Variants in FILIP1L observed in about 807,000 individuals in gnomAD.
FILIP1L encodes filamin A interacting protein 1 like.
A neutral mutation model predicts 96.6 loss-of-function variants in FILIP1L; 55 were observed. The ratio of observed to expected loss-of-function variants is 0.57; its 90% CI spans 0.46 to 0.71. The LOEUF is 0.71. Ranked by LOEUF, FILIP1L falls within the 30% of genes least tolerant of loss-of-function variation. FILIP1L has a pLI of 0.00. For synonymous variants in FILIP1L, 467 were observed against 473.9 expected, an observed-to-expected ratio of 0.99 and a Z score of 0.19; for missense variants, 1,304 against 1,321.2, an observed-to-expected ratio of 0.99 and a Z score of 0.20.
intron 1 of FILIP1L, among the ~76,000 whole-genome samples, chr3:99,969,663 C>G (rs544428822): frequency 1.3e-5 from 2 of 152,054 alleles, no homozygotes; most frequent in Admixed American, 6.6e-5. Context: ...CACGGGGAGC[C>G]TGGAAGGATC....
chr3:99,952,010 T>C (rs1181520529), intron 1 of FILIP1L, among the ~76,000 whole-genome samples: 1 of 152,174 alleles, frequency 6.6e-6, no homozygotes, highest in East Asian at 1.9e-4. Context: ...TAGTTGAAAT[T>C]TATTTTAAAA....
At chr3:100,019,563 G>A (rs2064768787) in intron 1 of FILIP1L, among the ~76,000 whole-genome samples, 3 of 151,972 alleles carry the variant, frequency 2.0e-5, no homozygotes, top group African/African-American at 7.2e-5. Context: ...ACGTAAAATT[G>A]TTCTATTTTA....
intron 5 of FILIP1L, among the ~76,000 whole-genome samples, chr3:99,839,918 G>A (rs1393229023): frequency 6.6e-6 from 1 of 152,094 alleles, no homozygotes; most frequent in South Asian, 2.1e-4. Context: ...ATATAAGAGT[G>A]GAACTCTTAT....
rs1266218950 is a variant in FILIP1L at position 99,828,981 on chromosome 3, C to T, written c.*1433G>A. ...TGCCCATCATCCCTTTCAATGCTGC[C>T]CAGGCCTCTAGCTCCTTCTCCTCCT... On this transcript the variant is annotated 3_prime_UTR_variant, in exon 6 of 6. Coordinates refer to ENST00000477258, the MANE Select transcript of FILIP1L (RefSeq NM_001387850.1). Among the ~76,000 whole-genome samples, 2 of 151,954 alleles carry T rather than the reference C, an allele frequency of 1.3e-5. No individual in the cohort carries two copies. Among genetic ancestry groups the T allele is most frequent in the African/African-American group, 4.8e-5 (2 of 41,330 alleles).
intron 1 of FILIP1L, among the ~76,000 whole-genome samples, chr3:100,052,939 C>T (rs1041693625): frequency 1.1e-4 from 17 of 151,936 alleles, no homozygotes; most frequent in Non-Finnish European, 2.4e-4. Flanking sequence ...TATAATTTCC[C>T]CTAAATAAGA....
chr3:100,048,785 T>C (rs1428529767), intron 1 of FILIP1L, among the ~76,000 whole-genome samples: 1 of 152,140 alleles, frequency 6.6e-6, no homozygotes, highest in Non-Finnish European at 1.5e-5. Context: ...AGCCCTAGGT[T>C]TTTCTCCTAG....
intron 1 of FILIP1L, chr3:100,041,483 A>T (rs1425726688): frequency 6.6e-6 from 1 of 152,110 alleles, no homozygotes; most frequent in Non-Finnish European, 1.5e-5. Context: ...TAGCCCTGTT[A>T]TATCAGTGTT....
chr3:99,875,810 G>C (rs982064557), intron 4 of FILIP1L, among the ~76,000 whole-genome samples: 5 of 152,170 alleles, frequency 3.3e-5, no homozygotes, highest in African/African-American at 4.8e-5. Context: ...CACTTGGAAA[G>C]CGTATGTAAT....
At chr3:99,970,789 A>G (rs1363967764) in intron 1 of FILIP1L, among the ~76,000 whole-genome samples, 2 of 152,210 alleles carry the variant, frequency 1.3e-5, no homozygotes, top group East Asian at 1.9e-4. Flanking sequence ...GACCTTAAAC[A>G]TTATACTATC....
At chr3:99,842,348 G>T (rs1284984733) in intron 5 of FILIP1L, among the ~76,000 whole-genome samples, 1 of 151,988 alleles carries the variant, frequency 6.6e-6, no homozygotes. Flanking sequence ...AGTGGGAGGG[G>T]TGTAAGGGAT....
chr3:100,045,589 T>A (rs773927134), intron 1 of FILIP1L, among the ~76,000 whole-genome samples: 2 of 152,162 alleles, frequency 1.3e-5, no homozygotes, highest in Non-Finnish European at 2.9e-5. Flanking sequence ...AATGGGACAT[T>A]TGGACCCAAA....
At chr3:99,925,814 A>G (rs1707275774) in intron 3 of FILIP1L, 16 of 984,022 alleles carry the variant, frequency 1.6e-5, no homozygotes, top group Non-Finnish European at 1.7e-5. Flanking sequence ...GCCAGTGGCC[A>G]AAAGCATCAC....
At chr3:99,991,915 G>A (rs1245201366) in intron 1 of FILIP1L, among the ~76,000 whole-genome samples, 2 of 137,342 alleles carry the variant, frequency 1.5e-5, no homozygotes, top group Non-Finnish European at 3.1e-5. Context: ...TACATATATA[G>A]GTATATATAC....
intron 1 of FILIP1L, among the ~76,000 whole-genome samples, chr3:99,963,879 G>A (rs758178759): frequency 2.0e-5 from 3 of 152,074 alleles, no homozygotes; most frequent in Non-Finnish European, 4.4e-5. Flanking sequence ...GCCTCCCAAA[G>A]TCCTGGGATT....
chr3:99,848,177 C>T (rs1943453523), intron 5 of FILIP1L, 118 bp downstream of exon 5: 19 of 1,536,792 alleles, frequency 1.2e-5, no homozygotes, highest in South Asian at 3.9e-5. Context: ...TCCCAAAGTA[C>T]GAGTTCAGTC....
chr3:99,946,497 A>G (rs887776573), intron 1 of FILIP1L, among the ~76,000 whole-genome samples: 5 of 152,210 alleles, frequency 3.3e-5, no homozygotes, highest in African/African-American at 1.2e-4. Flanking sequence ...AAATGATTTC[A>G]TGTCTGTATC....
At chr3:100,011,968 T>C (rs1224514127) in intron 1 of FILIP1L, among the ~76,000 whole-genome samples, 1 of 152,246 alleles carries the variant, frequency 6.6e-6, no homozygotes, top group African/African-American at 2.4e-5. Context: ...ATTGTGTGGC[T>C]GCTTTCTGAT....
intron 1 of FILIP1L, among the ~76,000 whole-genome samples, chr3:100,021,950 TGTGTGTGTGTGAGAGAGAGAGAGA>T (rs1220715614): frequency 9.3e-5 from 12 of 129,006 alleles, no homozygotes; most frequent in South Asian, 2.8e-4. Flanking sequence ...TGTGTGTGTG[TGTGTGTGTGTGAGAGAGAGAGAGA>T]GAGAGAGAGA....
chr3:99,894,802 A>G (rs1706196570), intron 4 of FILIP1L, among the ~76,000 whole-genome samples: 1 of 152,244 alleles, frequency 6.6e-6, no homozygotes, highest in African/African-American at 2.4e-5. Flanking sequence ...CAATAATAGC[A>G]TAATTCACAA....
Sources: gnomAD v4.1 joint callset for allele counts (sites outside exome capture counted in the v4.1 genomes callset) on GRCh38, gnomAD v4.1.1 for gene constraint, MANE v1.5 for transcripts, NCBI Gene and HGNC (gene_info 2026-07-23, HGNC 2026-07-21) for gene names.